Variants in CATSPERD observed in about 807,000 individuals in gnomAD.
CATSPERD encodes catsper channel auxiliary subunit delta.
A neutral mutation model predicts 98.1 loss-of-function variants in CATSPERD; 86 were observed. The ratio of observed to expected loss-of-function variants is 0.88; its 90% CI spans 0.74 to 1.05. The LOEUF (loss-of-function observed/expected upper bound fraction) is 1.05, where lower values mean the gene tolerates loss of function less well. Ranked by LOEUF, CATSPERD falls within the 50% of genes least tolerant of loss-of-function variation. The probability of loss-of-function intolerance (pLI) is 0.00; values close to 1 mark genes in which losing one functional copy is unlikely to be tolerated. For synonymous variants in CATSPERD, 394 were observed against 390.2 expected (o/e 1.01, Z -0.12); for missense variants, 995 against 1,005.7 (o/e 0.99, Z 0.14).
intron 7 of CATSPERD, among the ~76,000 whole-genome samples, chr19:5,743,239 G>T (rs1384235694): frequency 6.6e-6 from 1 of 152,130 alleles, no homozygotes; most frequent in African/African-American, 2.4e-5. Flanking sequence ...GGAGGCGGAG[G>T]TTGCAGTGAG....
In CATSPERD at chr19:5,762,041, C is replaced by CATATATAT. The variant is rs71172765; in HGVS notation, c.1428-1163_1428-1156dup. Among the ~76,000 whole-genome samples, 76 of 23,240 alleles carry CATATATAT rather than the reference C, an allele frequency of 3.3e-3. 3 individuals carry two copies. The highest frequency in any genetic ancestry group is 3.8e-3 in the Non-Finnish European group (40 of 10,428). 15.2% of individuals were successfully genotyped at this position (23,240 alleles called of 152,430 possible). ...GTGAGAGCCACTGCGCCTGGCCTGCCATATATATATATATATATTTTTTTT... is the reference window on the plus strand; with the variant it reads ...GTGAGAGCCACTGCGCCTGGCCTGCCATATATATATATATATATATATATATTTTTTTT... On this transcript the variant is annotated intron_variant, in intron 15 of 21. Coordinates refer to ENST00000381624, the MANE Select transcript of CATSPERD (RefSeq NM_152784.4).
chr19:5,734,034 A>G, intron 5 of CATSPERD, 64 bp downstream of exon 5: 1 of 929,642 alleles, frequency 1.1e-6, no homozygotes, highest in Non-Finnish European at 1.7e-6. Flanking sequence ...AGAGGGTATT[A>G]GTGTTGGAAG....
intron 16 of CATSPERD, among the ~76,000 whole-genome samples, chr19:5,765,564 C>A (rs2056522505): frequency 6.6e-6 from 1 of 152,050 alleles, no homozygotes; most frequent in South Asian, 2.1e-4. Context: ...GTATTCCTAG[C>A]ACTTTGGGAG....
At chr19:5,759,948 G>A (rs961381201) in intron 15 of CATSPERD, among the ~76,000 whole-genome samples, 2 of 150,996 alleles carry the variant, frequency 1.3e-5, no homozygotes, top group African/African-American at 4.9e-5. Context: ...ATGGTGGTAT[G>A]CGCCTGTAAT....
intron 12 of CATSPERD, chr19:5,753,695 C>A: frequency 6.9e-6 from 2 of 288,292 alleles, no homozygotes; most frequent in South Asian, 3.0e-5. Flanking sequence ...ATAGTAAGCC[C>A]TTGTCTCTAT....
chr19:5,734,688 C>T (rs895490372), intron 5 of CATSPERD, among the ~76,000 whole-genome samples: 11 of 151,482 alleles, frequency 7.3e-5, no homozygotes, highest in Non-Finnish European at 1.3e-4. Context: ...GTAATCCCAG[C>T]TTACTCTGGA....
At chr19:5,754,077 C>T in intron 12 of CATSPERD, 55 bp from the exon 13 acceptor site, 1 of 1,280,360 alleles carries the variant, frequency 7.8e-7, no homozygotes, top group Non-Finnish European at 1.1e-6. Flanking sequence ...CCTCCTTGCC[C>T]TTTCTTTATG....
intron 8 of CATSPERD, among the ~76,000 whole-genome samples, 160 bp from the exon 9 acceptor site, chr19:5,745,753 G>A (rs2436504): frequency 0.4 from 60,435 of 151,962 alleles, 12,310 homozygotes; most frequent in Non-Finnish European, 0.44. Context: ...CAATAAAGTT[G>A]TATTTAATAA....
At chr19:5,770,149 C>T (rs1019432964) in intron 18 of CATSPERD, among the ~76,000 whole-genome samples, 4 of 150,876 alleles carry the variant, frequency 2.7e-5, no homozygotes, top group Non-Finnish European at 5.9e-5. Flanking sequence ...AAAAACCGGC[C>T]GGGCGCAGTG....
intron 4 of CATSPERD, among the ~76,000 whole-genome samples, chr19:5,732,223 G>T (rs1036770318): frequency 2.0e-5 from 3 of 151,770 alleles, no homozygotes; most frequent in African/African-American, 4.8e-5. Flanking sequence ...GATCCGTCTT[G>T]TTCTCCCAGA....
chr19:5,750,855 C>T (rs2056198972), intron 11 of CATSPERD, among the ~76,000 whole-genome samples: 1 of 151,808 alleles, frequency 6.6e-6, no homozygotes, highest in South Asian at 2.1e-4. Context: ...TCTTTCCTTT[C>T]TTCCTTCCTT....
At chr19:5,771,672 G>A (rs1599595948) in intron 19 of CATSPERD, among the ~76,000 whole-genome samples, 2 of 151,546 alleles carry the variant, frequency 1.3e-5, no homozygotes, top group East Asian at 3.9e-4. Context: ...CAGGGTTCAA[G>A]CGATTCTCCT....
chr19:5,752,470 G>A (rs574222439), intron 12 of CATSPERD, among the ~76,000 whole-genome samples: 28 of 151,716 alleles, frequency 1.8e-4, no homozygotes, highest in Admixed American at 1.1e-3. Context: ...TGAGATCCTC[G>A]TTTCTAAAAC....
chr19:5,746,130 TG>T, intron 9 of CATSPERD, 67 bp downstream of exon 9: 1 of 1,571,236 alleles, frequency 6.4e-7, no homozygotes, highest in South Asian at 1.1e-5. Context: ...GAGTACAGCC[TG>T]GATAAGGGGA....
chr19:5,721,502 C>T (rs2055476116), intron 1 of CATSPERD, among the ~76,000 whole-genome samples: 1 of 152,166 alleles, frequency 6.6e-6, no homozygotes, highest in Admixed American at 6.6e-5. Flanking sequence ...CTCCAACCTG[C>T]CATGGGGACC....
At position 5,772,507 on chromosome 19, in the gene CATSPERD, G is replaced by A. The variant is rs1291672754; in HGVS notation, c.1764-281G>A. The stretch of plus-strand genomic sequence containing the variant: ...CTCCCAAAGTGCTGAGATTACGGGC[G>A]TGAGCCGCCGCGCCTAGCTCCGAGC... On this transcript the variant is annotated intron_variant, in intron 19 of 21. Coordinates refer to ENST00000381624, the MANE Select transcript of CATSPERD (RefSeq NM_152784.4). The A allele has an allele frequency of 3.3e-5, 12 of 364,586 alleles. No homozygotes were observed. The East Asian group carries it at 4.6e-4, about 14-fold the overall frequency. The allele number at this position is 364,586 out of a possible 1,614,324, so 22.6% of individuals were successfully genotyped here. A position where few individuals can be genotyped will look rare whatever the true frequency, so the allele number is the denominator to read the frequency against.
At chr19:5,764,790 T>C (rs536310289) in intron 16 of CATSPERD, among the ~76,000 whole-genome samples, 2 of 152,090 alleles carry the variant, frequency 1.3e-5, no homozygotes, top group East Asian at 3.9e-4. Flanking sequence ...ATTTTTTGTA[T>C]TTTTAATAGA....
At position 5,748,215 on chromosome 19, in the gene CATSPERD, C is replaced by A; in HGVS notation, c.864C>A (p.Ser288=). 6.2e-7 allele frequency: 1 copy of A among 1,614,054 alleles called. No individual in the cohort carries two copies. Among genetic ancestry groups the A allele is most frequent in the Non-Finnish European group, 8.5e-7 (1 of 1,180,006 alleles). Residue 288 remains serine (S), a synonymous_variant, in exon 10 of 22, where the codon TCC becomes TCA. Transcript: ENST00000381624. The part of the protein sequence containing the change: ...VKKGDQTLFS[S]IFEAKITIHN... The stretch of plus-strand genomic sequence containing the variant: ...AAGGAGACCAGACCTTGTTTTCTTC[C>A]ATTTTTGAAGCCAAGATCACCATCC...
chr19:5,729,236 C>T (rs1380366959), intron 3 of CATSPERD, among the ~76,000 whole-genome samples: 2 of 152,020 alleles, frequency 1.3e-5, no homozygotes, highest in Non-Finnish European at 1.5e-5. Flanking sequence ...GCTGGGATTA[C>T]AGGTGTGCAC....
Sources: allele counts gnomAD v4.1 joint callset (sites outside exome capture counted in the v4.1 genomes callset), GRCh38; gene constraint gnomAD v4.1.1; transcripts MANE v1.5; gene names NCBI Gene and HGNC (gene_info 2026-07-23, HGNC 2026-07-21).